The following CNTN6 variants were observed in gnomAD, a reference collection of about 807,000 sequenced individuals.
CNTN6 encodes the protein contactin 6.
CNTN6 carries 137 observed loss-of-function variants against 122.8 expected under a neutral mutation model. The observed-to-expected ratio is 1.12, with a 90% confidence interval of 0.97 to 1.29. The LOEUF (loss-of-function observed/expected upper bound fraction) is 1.29, where lower values mean the gene tolerates loss of function less well. Among genes scored for constraint, CNTN6 ranks in the 50% most tolerant of loss-of-function variants. The pLI, the probability that CNTN6 is intolerant of heterozygous loss-of-function variation, is 0.00. For missense variants in CNTN6, 1,634 were observed against 1,223.4 expected (o/e 1.34, Z -5.01); for synonymous variants, 570 against 426.0 (o/e 1.34, Z -4.16).
intron 2 of CNTN6, among the ~76,000 whole-genome samples, chr3:1,204,123 G>C (rs2093924331): frequency 6.6e-6 from 1 of 152,132 alleles, no homozygotes. Flanking sequence ...ACTCATGACT[G>C]TATTTACTTT....
intron 4 of CNTN6, among the ~76,000 whole-genome samples, chr3:1,253,847 G>T (rs2094710112): frequency 6.6e-6 from 1 of 152,114 alleles, no homozygotes; most frequent in Non-Finnish European, 1.5e-5. Flanking sequence ...CAGCCCAGTG[G>T]TTGGGGACTG....
At chr3:1,205,261 G>C (rs1282566135) in intron 2 of CNTN6, among the ~76,000 whole-genome samples, 1 of 152,114 alleles carries the variant, frequency 6.6e-6, no homozygotes, top group Non-Finnish European at 1.5e-5. Flanking sequence ...AGCTCACTGA[G>C]ACCCATTTTG....
chr3:1,306,758 A>C (rs1479171754), intron 7 of CNTN6, among the ~76,000 whole-genome samples: 1 of 152,202 alleles, frequency 6.6e-6, no homozygotes, highest in Non-Finnish European at 1.5e-5. Context: ...CTACTTTATT[A>C]ATCCTGGGAA....
chr3:1,326,417 C>A (rs1006045634), intron 9 of CNTN6, among the ~76,000 whole-genome samples: 2 of 151,808 alleles, frequency 1.3e-5, no homozygotes, highest in Non-Finnish European at 2.9e-5. Context: ...GGTCACACAG[C>A]AGCTAGTAAA....
At chr3:1,293,410 G>A (rs1695665091) in intron 5 of CNTN6, among the ~76,000 whole-genome samples, 1 of 151,654 alleles carries the variant, frequency 6.6e-6, no homozygotes, top group African/African-American at 2.4e-5. Flanking sequence ...TCAGATTTAA[G>A]TCCAAAATAG....
intron 1 of CNTN6, among the ~76,000 whole-genome samples, chr3:1,136,378 G>C (rs553262689): frequency 6.6e-6 from 1 of 152,188 alleles, no homozygotes; most frequent in South Asian, 2.1e-4. Context: ...TCTGTGAAGC[G>C]TTCACTGTTG....
At chr3:1,110,552 G>A (rs998686416) in intron 1 of CNTN6, among the ~76,000 whole-genome samples, 3 of 152,012 alleles carry the variant, frequency 2.0e-5, no homozygotes, top group East Asian at 1.9e-4. Context: ...GGCAAATTTG[G>A]GGAAAAAGAA....
chr3:1,105,490 A>G (rs1162723763), intron 1 of CNTN6, among the ~76,000 whole-genome samples: 1 of 152,168 alleles, frequency 6.6e-6, no homozygotes. Flanking sequence ...AAACCTTGAA[A>G]AATGTTTTAT....
At chr3:1,309,143 T>C (rs1322386303) in intron 7 of CNTN6, among the ~76,000 whole-genome samples, 1 of 146,256 alleles carries the variant, frequency 6.8e-6, no homozygotes, top group African/African-American at 2.7e-5. Flanking sequence ...TTTAATGATG[T>C]GCAGGTTATC....
rs572258581 is a variant in CNTN6, at chr3:1,244,424, G to A, written c.358+16431G>A. On this transcript the variant is annotated intron_variant, in intron 4 of 22. Coordinates refer to ENST00000446702, the MANE Select transcript of CNTN6 (RefSeq NM_001289080.2). ...AGCGGGACTTGCCGCTGAGGGTGAA[G>A]GAGAAGGGGTTGAGGGGTACTTGGC... is the stretch of plus-strand genomic sequence containing the variant. Among the ~76,000 whole-genome samples, 4 of 137,820 alleles carry A rather than the reference G, an allele frequency of 2.9e-5. No homozygotes were observed. The East Asian group carries it at 9.4e-4, about 32-fold the overall frequency. 90.4% of individuals were successfully genotyped at this position (137,820 alleles called of 152,430 possible).
At chr3:1,250,725 T>C (rs1402633670) in intron 4 of CNTN6, among the ~76,000 whole-genome samples, 2 of 152,122 alleles carry the variant, frequency 1.3e-5, no homozygotes, top group Non-Finnish European at 2.9e-5. Context: ...CCAAAATCAA[T>C]AATTAGCAAA....
chr3:1,253,511 T>C (rs2094704083), intron 4 of CNTN6, among the ~76,000 whole-genome samples: 1 of 152,186 alleles, frequency 6.6e-6, no homozygotes, highest in African/African-American at 2.4e-5. Flanking sequence ...GGTTAAGCAG[T>C]CATGCGTATT....
chr3:1,119,794 C>T (rs1476975537), intron 1 of CNTN6, among the ~76,000 whole-genome samples: 2 of 151,880 alleles, frequency 1.3e-5, no homozygotes, highest in African/African-American at 2.4e-5. Flanking sequence ...ATTTGAAAAA[C>T]GTGTATGCCC....
At chr3:1,191,455 A>G (rs1001101433) in intron 2 of CNTN6, among the ~76,000 whole-genome samples, 2 of 152,162 alleles carry the variant, frequency 1.3e-5, no homozygotes, top group Non-Finnish European at 2.9e-5. Context: ...TCTGGGTTAC[A>G]AATGCATCCA....
chr3:1,320,911 A>T (rs189934707), intron 7 of CNTN6, among the ~76,000 whole-genome samples: 1 of 151,818 alleles, frequency 6.6e-6, no homozygotes, highest in Admixed American at 6.6e-5. Context: ...GATATGAGAA[A>T]GTAGACGAAA....
intron 7 of CNTN6, among the ~76,000 whole-genome samples, chr3:1,300,532 A>AT (rs1697098565): frequency 7.9e-6 from 1 of 127,148 alleles, no homozygotes; most frequent in African/African-American, 4.5e-5. Flanking sequence ...AAAGATAAAG[A>AT]AAGAGAGAGA....
At chr3:1,333,455 A>G (rs1186601075) in intron 11 of CNTN6, among the ~76,000 whole-genome samples, 1 of 152,068 alleles carries the variant, frequency 6.6e-6, no homozygotes, top group Non-Finnish European at 1.5e-5. Context: ...AAAACATGAC[A>G]CAGTTGTATA....
intron 7 of CNTN6, among the ~76,000 whole-genome samples, chr3:1,304,453 A>G (rs932180144): frequency 2.0e-5 from 3 of 152,238 alleles, no homozygotes; most frequent in African/African-American, 4.8e-5. Flanking sequence ...TTCAAAACTC[A>G]TGCTTATAAC....
intron 5 of CNTN6, among the ~76,000 whole-genome samples, chr3:1,293,305 G>C (rs1303527001): frequency 1.3e-5 from 2 of 150,448 alleles, no homozygotes; most frequent in Non-Finnish European, 3.0e-5. Flanking sequence ...CTTTAAGTAT[G>C]GTTCATGCTT....
Sources: allele counts gnomAD v4.1 joint callset (sites outside exome capture counted in the v4.1 genomes callset), GRCh38; gene constraint gnomAD v4.1.1; transcripts MANE v1.5; gene names NCBI Gene and HGNC (gene_info 2026-07-23, HGNC 2026-07-21).